TOX: variants seen among roughly 807,000 people sequenced by gnomAD.
TOX encodes thymocyte selection associated high mobility group box, also known as thymocyte selection-associated high mobility group box protein TOX.
Under a neutral mutation model 53.7 loss-of-function variants are expected in TOX, and 11 were observed. The observed-to-expected ratio is 0.20, with a 90% CI of 0.13 to 0.34. The LOEUF (loss-of-function observed/expected upper bound fraction) is 0.34, where lower values mean the gene tolerates loss of function less well. Among genes scored for constraint, TOX ranks in the 10% least tolerant of loss-of-function variants. The pLI, the probability that TOX is intolerant of heterozygous loss-of-function variation, is 1.00. For missense variants in TOX, 570 were observed against 664.6 expected, an observed-to-expected ratio of 0.86 and a Z score of 1.56; for synonymous variants, 225 against 245.3, an observed-to-expected ratio of 0.92 and a Z score of 0.77.
intron 2 of TOX, among the ~76,000 whole-genome samples, chr8:58,956,492 T>A (rs1019961731): frequency 1.3e-5 from 2 of 152,216 alleles, no homozygotes; most frequent in Non-Finnish European, 2.9e-5. Flanking sequence ...AATAAAACAG[T>A]TAATATAGTG....
chr8:59,096,998 G>C lies in TOX; in HGVS notation c.102+21888C>G, dbSNP rs144588832. ...GGAAACAGGATAGAGGGCAATCCCA[G>C]GTGAGATGCATATTTTACTGGAGCC... On this transcript the variant is annotated intron_variant, in intron 1 of 8. Coordinates refer to ENST00000361421, the MANE Select transcript of TOX (RefSeq NM_014729.3). Among the ~76,000 whole-genome samples, 14 of 152,286 alleles carry C rather than the reference G, an allele frequency of 9.2e-5. No homozygotes were observed. The East Asian group carries it at 2.7e-3, about 29-fold the overall frequency.
At position 58,838,828 on chromosome 8, in the gene TOX, G is replaced by A. The variant is rs1036253974; in HGVS notation, c.694-517C>T. On this transcript the variant is annotated intron_variant, in intron 4 of 8. Transcript: ENST00000361421. Reference sequence around the variant, plus strand: ...GCAATTCCCCTGCCTCAGCCTCCCCGACAGCTGGGACTACAGACGCGCGCC... The same window carrying A: ...GCAATTCCCCTGCCTCAGCCTCCCCAACAGCTGGGACTACAGACGCGCGCC... 5.5e-5 allele frequency among the ~76,000 whole-genome samples: 8 copies of A among 146,378 alleles called. No homozygotes were observed. The East Asian group carries it at 1.3e-3, about 24-fold the overall frequency.
intron 3 of TOX, among the ~76,000 whole-genome samples, chr8:58,908,079 C>T (rs572232846): frequency 6.6e-6 from 1 of 152,240 alleles, no homozygotes; most frequent in South Asian, 2.1e-4. Flanking sequence ...CTTCCTGATG[C>T]TCTCTCTCTG....
At chr8:59,091,493 G>A (rs1027966436) in intron 1 of TOX, among the ~76,000 whole-genome samples, 7 of 151,806 alleles carry the variant, frequency 4.6e-5, no homozygotes, top group Non-Finnish European at 8.8e-5. Context: ...TTACCAATAT[G>A]CTCTTCTTGG....
intron 3 of TOX, among the ~76,000 whole-genome samples, chr8:58,893,553 A>T (rs1201605894): frequency 6.6e-6 from 1 of 152,202 alleles, no homozygotes; most frequent in Non-Finnish European, 1.5e-5. Context: ...TTAATTTGTT[A>T]TAAGTTCAGT....
At chr8:59,113,491 A>C (rs535245758) in intron 1 of TOX, among the ~76,000 whole-genome samples, 11 of 152,214 alleles carry the variant, frequency 7.2e-5, no homozygotes, top group African/African-American at 2.6e-4. Context: ...GGGCTGGTAG[A>C]TTCCAAATAG....
intron 1 of TOX, among the ~76,000 whole-genome samples, chr8:59,047,775 A>G (rs1212341093): frequency 6.6e-6 from 1 of 152,198 alleles, no homozygotes; most frequent in Non-Finnish European, 1.5e-5. Context: ...TAAAAACACC[A>G]TATAAGCTAA....
At chr8:59,084,114 G>A (rs890607884) in intron 1 of TOX, among the ~76,000 whole-genome samples, 4 of 151,930 alleles carry the variant, frequency 2.6e-5, no homozygotes, top group Admixed American at 6.6e-5. Context: ...TGACCGCACC[G>A]CAGAATGTTC....
chr8:59,067,224 T>C (rs931710948), intron 1 of TOX, among the ~76,000 whole-genome samples: 2 of 152,148 alleles, frequency 1.3e-5, no homozygotes, highest in African/African-American at 2.4e-5. Context: ...AAAACAATCT[T>C]AAAGATGTGC....
intron 1 of TOX, among the ~76,000 whole-genome samples, chr8:59,079,522 T>C (rs77807852): frequency 0.021 from 3,244 of 152,280 alleles, 45 homozygotes; most frequent in Middle Eastern, 0.041. Flanking sequence ...AGGCCACTGC[T>C]TCAGAGGATG....
intron 3 of TOX, among the ~76,000 whole-genome samples, chr8:58,926,468 C>A (rs893398800): frequency 6.6e-6 from 1 of 152,106 alleles, no homozygotes; most frequent in African/African-American, 2.4e-5. Context: ...ATTTACCACT[C>A]TATGTTAATT....
rs1170533628 is a variant in TOX at position 59,118,785 on chromosome 8, C to T, written c.102+101G>A. On this transcript the variant is annotated intron_variant, in intron 1 of 8. Coordinates refer to ENST00000361421, the MANE Select transcript of TOX (RefSeq NM_014729.3). This position sits in a 1 kb window ranked among gnomAD's most constrained non-coding sequence, Gnocchi z 4.1. The stretch of plus-strand genomic sequence containing the variant: ...GGCTGCGAGCCGAGCGCGCCCGGGA[C>T]CGGCCTCCGCCAAGCCGGCCCCGCC... The T allele has an allele frequency of 3.6e-5, 29 of 807,440 alleles. No homozygotes were observed. The highest frequency in any genetic ancestry group is 3.5e-5 in the Non-Finnish European group (19 of 544,446). 50.0% of individuals were successfully genotyped at this position (807,440 alleles called of 1,614,324 possible).
intron 1 of TOX, among the ~76,000 whole-genome samples, chr8:59,021,481 A>AAAAAAATATATAT (rs59174995): frequency 5.4e-4 from 35 of 64,726 alleles, no homozygotes; most frequent in Non-Finnish European, 7.1e-4. Flanking sequence ...AAAAAAAAAA[A>AAAAAAATATATAT]ATATATATAT....
chr8:58,980,142 G>C (rs571214024), intron 1 of TOX, among the ~76,000 whole-genome samples: 1 of 152,290 alleles, frequency 6.6e-6, no homozygotes, highest in African/African-American at 2.4e-5. Flanking sequence ...ATTTTAAAAA[G>C]ATGGGCCAGC....
At chr8:58,965,220 TC>T in intron 1 of TOX, among the ~76,000 whole-genome samples, 1 of 152,336 alleles carries the variant, frequency 6.6e-6, no homozygotes, top group South Asian at 2.1e-4. Context: ...GTAAATGGCA[TC>T]AACCTAGGAT....
chr8:59,090,644 G>C (rs1052425734), intron 1 of TOX, among the ~76,000 whole-genome samples: 3 of 152,088 alleles, frequency 2.0e-5, no homozygotes, highest in Non-Finnish European at 2.9e-5. Flanking sequence ...CTCTCAGCTG[G>C]GTCCTCAGTG....
chr8:58,957,869 T>C (rs1812737835), intron 2 of TOX, among the ~76,000 whole-genome samples: 1 of 152,148 alleles, frequency 6.6e-6, no homozygotes, highest in South Asian at 2.1e-4. Context: ...AAGGGGTAAA[T>C]TGATTAAAAT....
chr8:59,001,943 A>C (rs1441805230), intron 1 of TOX, among the ~76,000 whole-genome samples: 2 of 151,736 alleles, frequency 1.3e-5, no homozygotes, highest in Non-Finnish European at 2.9e-5. Flanking sequence ...CAAGGAGACA[A>C]TGGCACAATT....
chr8:58,949,011 T>A (rs1163287808), intron 2 of TOX, among the ~76,000 whole-genome samples: 4 of 152,198 alleles, frequency 2.6e-5, no homozygotes, highest in African/African-American at 9.6e-5. Flanking sequence ...CTGGAAATGC[T>A]GAATACAGAT....
Sources: allele counts gnomAD v4.1 joint callset (sites outside exome capture counted in the v4.1 genomes callset), GRCh38; gene constraint gnomAD v4.1.1; non-coding constraint Gnocchi (gnomAD v3.1); transcripts MANE v1.5; gene names NCBI Gene and HGNC (gene_info 2026-07-23, HGNC 2026-07-21).